The following FABP6 variants were observed in gnomAD, a reference collection of about 807,000 sequenced individuals.
FABP6 encodes fatty acid binding protein 6.
FABP6 carries 13 observed loss-of-function variants against 14.9 expected under a neutral mutation model. The observed-to-expected ratio is 0.87, with a 90% CI of 0.57 to 1.39. The LOEUF (loss-of-function observed/expected upper bound fraction) is 1.39, where lower values mean the gene tolerates loss of function less well. Ranked by LOEUF, FABP6 falls within the 40% of genes most tolerant of loss-of-function variation. The probability of loss-of-function intolerance (pLI) is 0.00; values close to 1 mark genes in which losing one functional copy is unlikely to be tolerated. For missense variants in FABP6, 161 were observed against 167.2 expected, an observed-to-expected ratio of 0.96 and a Z score of 0.20; for synonymous variants, 75 against 63.6, an observed-to-expected ratio of 1.18 and a Z score of -0.85.
At chr5:160,237,209 C>T (rs1338576184) in intron 3 of FABP6, among the ~76,000 whole-genome samples, 1 of 152,018 alleles carries the variant, frequency 6.6e-6, no homozygotes, top group Non-Finnish European at 1.5e-5. Context: ...GGCAGGAGAA[C>T]TGGAAGCAGG....
intron 1 of FABP6, among the ~76,000 whole-genome samples, chr5:160,189,326 C>T (rs71603658): frequency 7.2e-5 from 11 of 152,142 alleles, no homozygotes; most frequent in African/African-American, 2.7e-4. Flanking sequence ...ACTGCAACCT[C>T]CACTTCCCAG....
intron 2 of FABP6, chr5:160,199,249 C>T (rs775327708): frequency 5.4e-6 from 7 of 1,299,212 alleles, no homozygotes; most frequent in Non-Finnish European, 7.8e-6. Context: ...GGGGGACTTG[C>T]TCGCCTTTCT....
chr5:160,234,790 C>A (rs1265053900), intron 2 of FABP6, 30 bp from the exon 3 acceptor site: 1 of 1,565,240 alleles, frequency 6.4e-7, no homozygotes, highest in Admixed American at 1.8e-5. Flanking sequence ...CCTGCAACAA[C>A]CCAGGCTTAA....
chr5:160,219,917 C>G (rs1193270652), intron 3 of FABP6, among the ~76,000 whole-genome samples: 1 of 152,148 alleles, frequency 6.6e-6, no homozygotes, highest in Non-Finnish European at 1.5e-5. Context: ...TTCTATTTTT[C>G]ACAAGCCCTC....
At chr5:160,191,884 G>A (rs1759401708) in intron 1 of FABP6, among the ~76,000 whole-genome samples, 1 of 151,548 alleles carries the variant, frequency 6.6e-6, no homozygotes, top group Admixed American at 6.6e-5. Context: ...TGAGACAGGA[G>A]AATGGCATGA....
intron 3 of FABP6, among the ~76,000 whole-genome samples, chr5:160,214,454 C>T (rs1426402175): frequency 1.3e-5 from 2 of 151,842 alleles, no homozygotes; most frequent in Admixed American, 6.6e-5. Context: ...TGTATGTCAC[C>T]ACACCTGGCC....
upstream of FABP6, among the ~76,000 whole-genome samples, chr5:160,224,786 CT>C (rs1198458606): frequency 4.4e-4 from 47 of 107,782 alleles, no homozygotes; most frequent in East Asian, 8.2e-4. Flanking sequence ...CTTTTTTTTT[CT>C]TTTTTTTTTT....
At chr5:160,235,961 G>A (rs1760504740) in intron 3 of FABP6, among the ~76,000 whole-genome samples, 1 of 151,834 alleles carries the variant, frequency 6.6e-6, no homozygotes, top group Non-Finnish European at 1.5e-5. Context: ...GGGCTTATGA[G>A]GGCCCCCGTC....
At chr5:160,199,199 A>C (rs753111139) in intron 2 of FABP6, 1 of 1,609,570 alleles carries the variant, frequency 6.2e-7, no homozygotes, top group South Asian at 1.1e-5. Context: ...GAGGCAAATG[A>C]AAGGATGACC....
intron 2 of FABP6, among the ~76,000 whole-genome samples, chr5:160,200,171 A>C (rs1759604862): frequency 6.6e-6 from 1 of 152,214 alleles, no homozygotes; most frequent in Admixed American, 6.5e-5. Flanking sequence ...AAGCTGCGGA[A>C]GTGGCAGCCT....
chr5:160,222,330 C>T (rs1484816645), intron 3 of FABP6, among the ~76,000 whole-genome samples: 1 of 151,754 alleles, frequency 6.6e-6, no homozygotes, highest in East Asian at 1.9e-4. Flanking sequence ...TTCTTTTCTT[C>T]TTCTTCTCTT....
At chr5:160,190,681 G>A (rs1265108521) in intron 1 of FABP6, among the ~76,000 whole-genome samples, 1 of 152,190 alleles carries the variant, frequency 6.6e-6, no homozygotes, top group Non-Finnish European at 1.5e-5. Context: ...AGGAGCCCTT[G>A]AGAACTCCTC....
intron 2 of FABP6, among the ~76,000 whole-genome samples, chr5:160,203,532 C>T (rs559620464): frequency 6.6e-6 from 1 of 151,506 alleles, no homozygotes; most frequent in Non-Finnish European, 1.5e-5. Context: ...ATGCTCACCT[C>T]ATTTTTTTTT....
intron 2 of FABP6, among the ~76,000 whole-genome samples, chr5:160,202,663 G>C (rs1020892509): frequency 6.6e-6 from 1 of 151,880 alleles, no homozygotes; most frequent in East Asian, 2.0e-4. Flanking sequence ...AATTAGCCAG[G>C]CGTGGTGTCA....
At chr5:160,192,552 C>T (rs537144076) in intron 1 of FABP6, among the ~76,000 whole-genome samples, 6 of 152,372 alleles carry the variant, frequency 3.9e-5, no homozygotes, top group African/African-American at 1.4e-4. Context: ...CCTGGATCCC[C>T]TCTCTATGGG....
At chr5:160,238,275 CAT>C (rs1378041707) in intron 3 of FABP6, among the ~76,000 whole-genome samples, 1 of 152,166 alleles carries the variant, frequency 6.6e-6, no homozygotes, top group Non-Finnish European at 1.5e-5. Context: ...TCAATTTTCC[CAT>C]CTGTACAATG....
chr5:160,187,856 G>A (rs892698411), intron 1 of FABP6, among the ~76,000 whole-genome samples: 1 of 152,006 alleles, frequency 6.6e-6, no homozygotes, highest in Non-Finnish European at 1.5e-5. Flanking sequence ...GAGTTCAAGC[G>A]ATTCTTCTGC....
chr5:160,229,743 T>G (rs141019016), intron 1 of FABP6, 119 bp downstream of exon 1: 8 of 830,538 alleles, frequency 9.6e-6, no homozygotes, highest in African/African-American at 8.3e-5. Flanking sequence ...ACTCACTCAT[T>G]CATTCATTCA....
At chr5:160,235,734 A>C (rs1760495630) in intron 3 of FABP6, among the ~76,000 whole-genome samples, 1 of 152,050 alleles carries the variant, frequency 6.6e-6, no homozygotes, top group South Asian at 2.1e-4. Flanking sequence ...TGAGGGAGGC[A>C]GTGTTTGTGT....
Sources: allele counts gnomAD v4.1 joint callset (sites outside exome capture counted in the v4.1 genomes callset), GRCh38; gene constraint gnomAD v4.1.1; transcripts MANE v1.5; gene names NCBI Gene and HGNC (gene_info 2026-07-23, HGNC 2026-07-21).